Variants in ATXN7L1 observed in about 807,000 individuals in gnomAD.
ATXN7L1 encodes ataxin 7 like 1.
ATXN7L1 carries 15 observed loss-of-function variants against 70.8 expected under a neutral mutation model. The observed-to-expected ratio is 0.21, with a 90% confidence interval of 0.14 to 0.33. ATXN7L1 has a LOEUF of 0.33. Ranked by LOEUF, ATXN7L1 falls within the 10% of genes least tolerant of loss-of-function variation. ATXN7L1 has a pLI of 1.00. For synonymous variants in ATXN7L1, 440 were observed against 445.1 expected (o/e 0.99, Z 0.14); for missense variants, 975 against 1,097.1 (o/e 0.89, Z 1.57).
At chr7:105,872,362 AT>A (rs1818394006) in intron 2 of ATXN7L1, among the ~76,000 whole-genome samples, 1 of 152,212 alleles carries the variant, frequency 6.6e-6, no homozygotes, top group African/African-American at 2.4e-5. Flanking sequence ...TTAAAAATAT[AT>A]GACACCAATG....
At chr7:105,832,652 G>A (rs1043814851) in intron 2 of ATXN7L1, among the ~76,000 whole-genome samples, 10 of 152,124 alleles carry the variant, frequency 6.6e-5, no homozygotes, top group African/African-American at 1.9e-4. Context: ...GCCACTGCCT[G>A]CCTGACTTCT....
intron 4 of ATXN7L1, among the ~76,000 whole-genome samples, chr7:105,651,680 A>G (rs1328156675): frequency 6.6e-6 from 1 of 152,160 alleles, no homozygotes; most frequent in African/African-American, 2.4e-5. Context: ...TCACAAGCCC[A>G]CCTGCTTCTC....
chr7:105,830,749 A>G (rs1308048289), intron 2 of ATXN7L1, among the ~76,000 whole-genome samples: 1 of 152,238 alleles, frequency 6.6e-6, no homozygotes, highest in Non-Finnish European at 1.5e-5. Flanking sequence ...GGAAAGGGAG[A>G]TTAGGACAGT....
At chr7:105,679,316 C>T (rs76742144) in intron 3 of ATXN7L1, 28,919 of 212,794 alleles carry the variant, frequency 0.14, 2,419 homozygotes, top group South Asian at 0.33. Context: ...TCAGAGGCAG[C>T]AGGCTCCTCA....
chr7:105,747,032 T>C (rs1798664807), intron 3 of ATXN7L1, among the ~76,000 whole-genome samples: 1 of 152,248 alleles, frequency 6.6e-6, no homozygotes, highest in African/African-American at 2.4e-5. Flanking sequence ...CCCTGTGATA[T>C]TGTGAACTAT....
At chr7:105,680,183 C>T (rs1177140830) in intron 3 of ATXN7L1, among the ~76,000 whole-genome samples, 2 of 152,094 alleles carry the variant, frequency 1.3e-5, no homozygotes, top group Non-Finnish European at 2.9e-5. Flanking sequence ...CACTCCCTCA[C>T]GTCATGATCA....
chr7:105,755,851 C>T (rs542866633), intron 3 of ATXN7L1, among the ~76,000 whole-genome samples: 2 of 152,246 alleles, frequency 1.3e-5, no homozygotes, highest in East Asian at 1.9e-4. Context: ...AGATGCTCTG[C>T]GTTGGGAGGG....
rs1022511561 is a variant in ATXN7L1 at position 105,819,924 on chromosome 7, T to C, written c.251-31216A>G. 1.5e-4 allele frequency: 79 copies of C among 510,696 alleles called. 1 individual carries two copies. The highest frequency in any genetic ancestry group is 2.2e-4 in the Admixed American group (10 of 45,268). 31.6% of individuals were successfully genotyped at this position (510,696 alleles called of 1,614,324 possible). On this transcript the variant is annotated intron_variant, in intron 2 of 11. Transcript: ENST00000419735. ...ACGTGGGGCGCCTGGCTCACGAGGT[T>C]TGCTGTAAGTACCTGGCAGTGGCAT...
intron 2 of ATXN7L1, 128 bp from the exon 3 acceptor site, chr7:105,788,836 A>G: frequency 1.4e-6 from 1 of 723,096 alleles, no homozygotes. Context: ...AATAATCTTT[A>G]CTAACGGGAA....
At chr7:105,787,600 A>T (rs1804495794) in intron 3 of ATXN7L1, among the ~76,000 whole-genome samples, 1 of 152,060 alleles carries the variant, frequency 6.6e-6, no homozygotes, top group African/African-American at 2.4e-5. Context: ...GATAAGCTCA[A>T]CTCCCTTTAT....
chr7:105,753,676 CT>C (rs1227824909), intron 3 of ATXN7L1, among the ~76,000 whole-genome samples: 2 of 152,214 alleles, frequency 1.3e-5, no homozygotes, highest in Non-Finnish European at 2.9e-5. Context: ...CCATTCTACA[CT>C]CTGGAAATAA....
intron 3 of ATXN7L1, 57 bp from the exon 4 acceptor site, chr7:105,665,345 A>T: frequency 7.3e-7 from 1 of 1,361,514 alleles, no homozygotes; most frequent in Non-Finnish European, 1.0e-6. Flanking sequence ...TGAGGCTCCC[A>T]CACACTCACA....
intron 9 of ATXN7L1, among the ~76,000 whole-genome samples, chr7:105,619,140 G>GTTTCTTTTTTTTTTT (rs1794380215): frequency 2.0e-5 from 1 of 49,846 alleles, no homozygotes; most frequent in Non-Finnish European, 3.3e-5. Flanking sequence ...GAAATCTTTA[G>GTTTCTTTTTTTTTTT]TTTTTTTTTT....
At chr7:105,723,457 G>A (rs1464861096) in intron 3 of ATXN7L1, among the ~76,000 whole-genome samples, 1 of 152,122 alleles carries the variant, frequency 6.6e-6, no homozygotes, top group African/African-American at 2.4e-5. Flanking sequence ...AAAAGGGTGG[G>A]AAGTTGGACT....
At chr7:105,613,663 T>C in intron 10 of ATXN7L1, 199 bp downstream of exon 10, 1 of 1,444,406 alleles carries the variant, frequency 6.9e-7, no homozygotes, top group Non-Finnish European at 9.1e-7. Context: ...GAGAACAGTG[T>C]CTAGCACATA....
chr7:105,613,650 G>T, intron 10 of ATXN7L1: 2 of 1,425,490 alleles, frequency 1.4e-6, no homozygotes, highest in South Asian at 2.9e-5. Flanking sequence ...ACCGTAAAGT[G>T]CCGAGAACAG....
chr7:105,671,868 T>A (rs1803765560), intron 3 of ATXN7L1, among the ~76,000 whole-genome samples: 1 of 112,594 alleles, frequency 8.9e-6, no homozygotes, highest in South Asian at 2.8e-4. Context: ...CCAGCCTGAA[T>A]GACAGAGTGA....
chr7:105,782,759 A>G (rs1371077231), intron 3 of ATXN7L1, among the ~76,000 whole-genome samples: 2 of 152,242 alleles, frequency 1.3e-5, no homozygotes, highest in African/African-American at 4.8e-5. Flanking sequence ...ATATTTGCAA[A>G]GCCAAGCCCT....
At chr7:105,682,042 T>C (rs530814760) in intron 3 of ATXN7L1, among the ~76,000 whole-genome samples, 2 of 152,180 alleles carry the variant, frequency 1.3e-5, no homozygotes, top group South Asian at 2.1e-4. Flanking sequence ...CTGAGTAATA[T>C]GGCAAAACCC....
Sources: allele counts gnomAD v4.1 joint callset (sites outside exome capture counted in the v4.1 genomes callset), GRCh38; gene constraint gnomAD v4.1.1; transcripts MANE v1.5; gene names NCBI Gene and HGNC (gene_info 2026-07-23, HGNC 2026-07-21).